The following COL13A1 variants were observed in gnomAD, a reference collection of about 807,000 sequenced individuals.
COL13A1 encodes collagen type XIII alpha 1 chain, also known as collagen alpha-1(XIII) chain.
Under a neutral mutation model 130.9 loss-of-function variants are expected in COL13A1, and 89 were observed. The ratio of observed to expected loss-of-function variants is 0.68; its 90% CI spans 0.57 to 0.81. The LOEUF (loss-of-function observed/expected upper bound fraction) is 0.81, where lower values mean the gene tolerates loss of function less well. Ranked by LOEUF, COL13A1 falls within the 30% of genes least tolerant of loss-of-function variation. The pLI is 0.00. For missense variants in COL13A1, 879 were observed against 934.6 expected, an observed-to-expected ratio of 0.94 and a Z score of 0.78; for synonymous variants, 402 against 341.6, an observed-to-expected ratio of 1.18 and a Z score of -1.95.
In COL13A1 at chr10:69,803,174, G is replaced by C. The variant is rs374978786; in HGVS notation, c.294+457G>C. On this transcript the variant is annotated intron_variant, in intron 1 of 40. Coordinates refer to ENST00000645393, the MANE Select transcript of COL13A1 (RefSeq NM_001368882.1). ...CCTCCACCCCTTAAGGACCCGGGGGGTGCGGGGAGAGGGGACAGTTCTTGC... is the reference window on the plus strand; with the variant it reads ...CCTCCACCCCTTAAGGACCCGGGGGCTGCGGGGAGAGGGGACAGTTCTTGC... Among the ~76,000 whole-genome samples the C allele has an allele frequency of 4.3e-3, 658 of 152,328 alleles. 4 individuals are homozygous for C. The highest frequency in any genetic ancestry group is 0.014 in the African/African-American group (595 of 41,596).
intron 39 of COL13A1, among the ~76,000 whole-genome samples, chr10:69,953,705 TAG>T (rs1453318905): frequency 6.6e-6 from 1 of 152,190 alleles, no homozygotes; most frequent in African/African-American, 2.4e-5. Context: ...AGTGAGTCTG[TAG>T]AGAGAGGAGG....
intron 17 of COL13A1, among the ~76,000 whole-genome samples, chr10:69,912,055 G>A (rs902635255): frequency 6.6e-6 from 1 of 152,178 alleles, no homozygotes; most frequent in South Asian, 2.1e-4. Context: ...TCCTAGTGGG[G>A]ACCATTCGCA....
chr10:69,814,049 G>A (rs1364511651), intron 1 of COL13A1, among the ~76,000 whole-genome samples: 1 of 152,206 alleles, frequency 6.6e-6, no homozygotes, highest in Non-Finnish European at 1.5e-5. Flanking sequence ...ACATCTGAGG[G>A]CCAGCTCAGT....
Position 69,952,950 on chromosome 10 carries a change from A to G in COL13A1, c.2127A>G (p.Leu709=), listed in dbSNP as rs1364619968. ...AGGGAGACCAAGGAGCGCCTGGATT[A>G]GATGCCCCCTGCCCATTGGTATGTT... ...GDKGDQGAPG[L]DAPCPLGEDG... is the part of the protein sequence containing the mutation. The change falls in exon 39 of 41, where the codon TTA becomes TTG. Residue 709 remains leucine (L), a synonymous_variant. Coordinates refer to ENST00000645393, the MANE Select transcript of COL13A1 (RefSeq NM_001368882.1). 6.4e-7 allele frequency: 1 copy of G among 1,556,320 alleles called. No individual in the cohort carries two copies. Among genetic ancestry groups the G allele is most frequent in the Non-Finnish European group, 8.6e-7 (1 of 1,157,738 alleles).
At chr10:69,815,654 C>T (rs1052260991) in intron 1 of COL13A1, among the ~76,000 whole-genome samples, 1 of 152,202 alleles carries the variant, frequency 6.6e-6, no homozygotes, top group Non-Finnish European at 1.5e-5. Flanking sequence ...AACCACCACA[C>T]AGCACCACCT....
intron 2 of COL13A1, among the ~76,000 whole-genome samples, chr10:69,863,681 C>T (rs1255498738): frequency 1.3e-5 from 2 of 152,294 alleles, no homozygotes; most frequent in African/African-American, 2.4e-5. Context: ...CCGCCCCTTC[C>T]ACCCCTGAGA....
intron 7 of COL13A1, among the ~76,000 whole-genome samples, chr10:69,881,974 G>T (rs1234895881): frequency 2.0e-5 from 3 of 152,304 alleles, no homozygotes; most frequent in South Asian, 4.1e-4. Flanking sequence ...AGTCATAGAC[G>T]GGCCAGGCCT....
At chr10:69,861,384 A>C (rs1178575575) in intron 2 of COL13A1, among the ~76,000 whole-genome samples, 1 of 152,082 alleles carries the variant, frequency 6.6e-6, no homozygotes, top group Non-Finnish European at 1.5e-5. Flanking sequence ...GGCATGAACT[A>C]AGCTGGAGGG....
At chr10:69,934,430 C>T (rs1222346373) in intron 31 of COL13A1, among the ~76,000 whole-genome samples, 2 of 152,220 alleles carry the variant, frequency 1.3e-5, no homozygotes, top group Non-Finnish European at 2.9e-5. Flanking sequence ...GTCCAGGAAA[C>T]AATAGGGACC....
chr10:69,823,778 G>C (rs1846755179), intron 2 of COL13A1, among the ~76,000 whole-genome samples: 1 of 152,258 alleles, frequency 6.6e-6, no homozygotes, highest in East Asian at 1.9e-4. Flanking sequence ...AGGGTGTCCA[G>C]AAGCCCTGGG....
intron 15 of COL13A1, among the ~76,000 whole-genome samples, chr10:69,904,726 A>G (rs1001866512): frequency 6.6e-6 from 1 of 152,126 alleles, no homozygotes; most frequent in Non-Finnish European, 1.5e-5. Flanking sequence ...GCAAAGAGGG[A>G]CATAAGCCTG....
intron 2 of COL13A1, among the ~76,000 whole-genome samples, 172 bp downstream of exon 2, chr10:69,822,610 GC>G: frequency 6.6e-6 from 1 of 152,314 alleles, no homozygotes; most frequent in East Asian, 1.9e-4. Context: ...TGGCCTGCCT[GC>G]CCCGCATCCA....
At chr10:69,813,241 C>G (rs1371571611) in intron 1 of COL13A1, among the ~76,000 whole-genome samples, 1 of 152,142 alleles carries the variant, frequency 6.6e-6, no homozygotes, top group African/African-American at 2.4e-5. Flanking sequence ...ACCCCTGGAC[C>G]CCTGAGATCC....
intron 6 of COL13A1, 118 bp downstream of exon 6, chr10:69,878,183 C>T (rs939400933): frequency 4.5e-6 from 3 of 662,028 alleles, no homozygotes; most frequent in Admixed American, 4.3e-5. Context: ...GCTGGCTGGG[C>T]CTGCTGCCCT....
At chr10:69,930,202 A>C in intron 29 of COL13A1, 115 bp downstream of exon 29, 9 of 946,218 alleles carry the variant, frequency 9.5e-6, no homozygotes, top group Non-Finnish European at 1.2e-5. Context: ...GGGCAAGGGA[A>C]GGGGAGATGG....
chr10:69,941,398 C>G (rs1371120597), intron 35 of COL13A1, among the ~76,000 whole-genome samples: 1 of 152,174 alleles, frequency 6.6e-6, no homozygotes, highest in Admixed American at 6.5e-5. Context: ...TGTGTGTGCC[C>G]GTCATGCTGT....
chr10:69,935,888 G>A (rs2066768401), intron 32 of COL13A1, among the ~76,000 whole-genome samples: 1 of 151,040 alleles, frequency 6.6e-6, no homozygotes, highest in Non-Finnish European at 1.5e-5. Context: ...GCACACATCT[G>A]TAATCCCAGC....
Position 69,822,422 on chromosome 10 carries a change from A to G in COL13A1, c.348A>G (p.Gly116=), listed in dbSNP as rs2132622312. The G allele has an allele frequency of 6.3e-7, 1 of 1,593,722 alleles. No homozygotes were observed. The highest frequency in any genetic ancestry group is 8.5e-7 in the Non-Finnish European group (1 of 1,170,390). The change falls in exon 2 of 41, where the codon GGA becomes GGG. Residue 116 remains glycine (G), a synonymous_variant. Coordinates refer to ENST00000645393, the MANE Select transcript of COL13A1 (RefSeq NM_001368882.1). ...GGGAGGCCCCAAAGACATCTCCAGG[A>G]TGTAACTGCCCACCAGGTAAGCAGC... is the stretch of plus-strand genomic sequence containing the variant. The part of the protein sequence containing the change: ...RRREAPKTSP[G]CNCPPGPPGP...
chr10:69,839,487 T>C (rs1851004535), intron 2 of COL13A1, among the ~76,000 whole-genome samples: 1 of 152,246 alleles, frequency 6.6e-6, no homozygotes, highest in Non-Finnish European at 1.5e-5. Context: ...ATATTTTCGA[T>C]AGGGCATTGT....
Sources: allele counts gnomAD v4.1 joint callset (sites outside exome capture counted in the v4.1 genomes callset), GRCh38; gene constraint gnomAD v4.1.1; transcripts MANE v1.5; gene names NCBI Gene and HGNC (gene_info 2026-07-23, HGNC 2026-07-21).